The following TMPRSS11F variants were observed in gnomAD, a reference collection of about 807,000 sequenced individuals.
TMPRSS11F encodes the protein transmembrane serine protease 11F, also known as transmembrane protease serine 11F.
In TMPRSS11F, 47 loss-of-function variants were observed where a neutral mutation model predicts 60.2. That is an observed-to-expected ratio of 0.78 (90% confidence interval 0.62 to 1.00). The LOEUF (loss-of-function observed/expected upper bound fraction) is 1.00. Ranked by LOEUF, TMPRSS11F falls within the 50% of genes least tolerant of loss-of-function variation. TMPRSS11F has a pLI of 0.00. For synonymous variants in TMPRSS11F, 166 were observed against 167.3 expected, an observed-to-expected ratio of 0.99 and a Z score of 0.06; for missense variants, 519 against 522.9, an observed-to-expected ratio of 0.99 and a Z score of 0.07.
Position 68,065,657 on chromosome 4 carries a change from T to C in TMPRSS11F, c.756-713A>G, listed in dbSNP as rs112918425. The stretch of plus-strand genomic sequence containing the variant: ...CATGGTCCTCCAAAGCCTGGTTCTT[T>C]CTTTTTAAAGTTATCCTCATCCTGG... On this transcript the variant is annotated intron_variant, in intron 7 of 9. Coordinates refer to ENST00000356291, the MANE Select transcript of TMPRSS11F (RefSeq NM_207407.2). 5.1e-3 allele frequency among the ~76,000 whole-genome samples: 770 copies of C among 152,336 alleles called. 9 individuals carry two copies. Among genetic ancestry groups the C allele is most frequent in the African/African-American group, 0.018 (750 of 41,570 alleles).
intron 3 of TMPRSS11F, 64 bp from the exon 4 acceptor site, chr4:68,074,073 TA>T (rs1723536481): frequency 9.7e-7 from 1 of 1,031,786 alleles, no homozygotes; most frequent in Non-Finnish European, 1.4e-6. Flanking sequence ...AATAATTTTT[TA>T]AAAGAAGTAT....
At chr4:68,059,012 C>T (rs1366306139) in intron 9 of TMPRSS11F, among the ~76,000 whole-genome samples, 2 of 152,104 alleles carry the variant, frequency 1.3e-5, no homozygotes, top group African/African-American at 4.8e-5. Context: ...AAACTTGTTT[C>T]AGCTGTCGCT....
chr4:68,122,698 T>C (rs1724644422), intron 1 of TMPRSS11F, among the ~76,000 whole-genome samples: 1 of 152,216 alleles, frequency 6.6e-6, no homozygotes, highest in Admixed American at 6.5e-5. Context: ...TCCTAATACA[T>C]GCCTGTTGAA....
chr4:68,106,494 A>G (rs1403770916), intron 1 of TMPRSS11F, among the ~76,000 whole-genome samples: 1 of 152,216 alleles, frequency 6.6e-6, no homozygotes, highest in Non-Finnish European at 1.5e-5. Flanking sequence ...ATTGCAAAAA[A>G]TGTCCTTGGA....
intron 1 of TMPRSS11F, among the ~76,000 whole-genome samples, chr4:68,118,336 T>A (rs1724565240): frequency 6.6e-6 from 1 of 152,174 alleles, no homozygotes; most frequent in African/African-American, 2.4e-5. Flanking sequence ...TATGGAAGGC[T>A]TTTTATGTGA....
intron 8 of TMPRSS11F, chr4:68,062,594 T>G: frequency 4.7e-6 from 4 of 859,986 alleles, no homozygotes; most frequent in Non-Finnish European, 8.0e-6. Flanking sequence ...TCCTTTTGAC[T>G]CTTTCATTTC....
intron 3 of TMPRSS11F, among the ~76,000 whole-genome samples, chr4:68,075,005 T>A (rs1723554888): frequency 1.3e-5 from 2 of 152,246 alleles, no homozygotes; most frequent in African/African-American, 4.8e-5. Flanking sequence ...AAAATTTTTT[T>A]AAAAAGCACT....
chr4:68,101,022 A>G (rs1031205908), intron 1 of TMPRSS11F, among the ~76,000 whole-genome samples: 1 of 152,122 alleles, frequency 6.6e-6, no homozygotes, highest in Non-Finnish European at 1.5e-5. Context: ...TTTCATTACT[A>G]TACTCTGATC....
chr4:68,059,908 A>G (rs984783055), intron 8 of TMPRSS11F, among the ~76,000 whole-genome samples: 2 of 152,014 alleles, frequency 1.3e-5, no homozygotes, highest in African/African-American at 4.8e-5. Context: ...ACCCTACTCT[A>G]CTCTGTCATG....
intron 1 of TMPRSS11F, among the ~76,000 whole-genome samples, chr4:68,102,795 G>C (rs942803636): frequency 6.6e-6 from 1 of 151,854 alleles, no homozygotes; most frequent in Admixed American, 6.6e-5. Flanking sequence ...TGTTTCTTTT[G>C]CTGTGTAGAA....
At chr4:68,072,031 T>C (rs1162803398) in intron 5 of TMPRSS11F, among the ~76,000 whole-genome samples, 1 of 151,656 alleles carries the variant, frequency 6.6e-6, no homozygotes, top group Non-Finnish European at 1.5e-5. Context: ...ATGGCGAAAG[T>C]AATACTTACC....
In TMPRSS11F at chr4:68,069,972, T is replaced by A; in HGVS notation, c.550A>T (p.Ser184Cys). The change falls in exon 6 of 10, where the codon AGT becomes TGT. Residue 184 changes from serine to cysteine, a missense_variant. Transcript: ENST00000356291. The stretch of plus-strand genomic sequence containing the variant: ...AATTGTGGGTTTTGGAACTTACGAC[T>A]GTTGAGAAGATTCCTCATCTTTTTG... ...DSKKMRNLLN[S>C]RCGIRMTSSN... 2 of 1,603,928 alleles carry A rather than the reference T, an allele frequency of 1.2e-6. No homozygotes were observed. Among genetic ancestry groups the A allele is most frequent in the South Asian group, 2.2e-5 (2 of 89,504 alleles).
rs142079111 is a variant in TMPRSS11F at position 68,106,895 on chromosome 4, C to T, written c.12-7857G>A. Among the ~76,000 whole-genome samples the T allele has an allele frequency of 2.1e-3, 327 of 152,254 alleles. 1 individual carries two copies. The highest frequency in any genetic ancestry group is 7.6e-3 in the African/African-American group (315 of 41,558). ...TCTTTGAAAACATTTTTTAGACCTTCGAGTTCTAGATTCAGTACAAGATCT... is the reference window on the plus strand; with the variant it reads ...TCTTTGAAAACATTTTTTAGACCTTTGAGTTCTAGATTCAGTACAAGATCT... On this transcript the variant is annotated intron_variant, in intron 1 of 9. Transcript: ENST00000356291.
intron 1 of TMPRSS11F, among the ~76,000 whole-genome samples, chr4:68,116,271 G>A (rs1218509054): frequency 6.6e-6 from 1 of 152,064 alleles, no homozygotes; most frequent in African/African-American, 2.4e-5. Flanking sequence ...TCATACATTG[G>A]TGTTGGGAAT....
chr4:68,079,330 G>A (rs1041674395), intron 3 of TMPRSS11F, among the ~76,000 whole-genome samples: 1 of 152,222 alleles, frequency 6.6e-6, no homozygotes, highest in Middle Eastern at 3.4e-3. Flanking sequence ...AGCGCATTAA[G>A]TGACTTTGAC....
chr4:68,115,356 C>CAAAAAAAAA lies in TMPRSS11F; in HGVS notation c.11+14445_11+14453dup, dbSNP rs57550471. Among the ~76,000 whole-genome samples, 9 of 74,686 alleles carry CAAAAAAAAA rather than the reference C, an allele frequency of 1.2e-4. 1 individual carries two copies. Among genetic ancestry groups the CAAAAAAAAA allele is most frequent in the African/African-American group, 1.6e-4 (3 of 18,980 alleles). 49.0% of individuals were successfully genotyped at this position (74,686 alleles called of 152,430 possible). A position where few individuals can be genotyped will look rare whatever the true frequency, so the allele number is the denominator to read the frequency against. The stretch of plus-strand genomic sequence containing the variant: ...TGGGCAACAGAGCAAGACACCATCT[C>CAAAAAAAAA]AAAAAAAAAAAAAAAAAAAAAAAAA... On this transcript the variant is annotated intron_variant, in intron 1 of 9. Transcript: ENST00000356291.
At chr4:68,089,168 G>A (rs1054188019) in intron 3 of TMPRSS11F, among the ~76,000 whole-genome samples, 2 of 152,072 alleles carry the variant, frequency 1.3e-5, no homozygotes, top group African/African-American at 4.8e-5. Flanking sequence ...AATGATTTTC[G>A]ATTTAAAGTT....
chr4:68,087,270 A>G (rs1158659449), intron 3 of TMPRSS11F, among the ~76,000 whole-genome samples: 1 of 152,192 alleles, frequency 6.6e-6, no homozygotes, highest in African/African-American at 2.4e-5. Flanking sequence ...CAGAATGATC[A>G]TCCCAATAGA....
chr4:68,092,618 A>G (rs1723966965), intron 2 of TMPRSS11F, among the ~76,000 whole-genome samples: 1 of 152,112 alleles, frequency 6.6e-6, no homozygotes, highest in African/African-American at 2.4e-5. Flanking sequence ...CAAACACTAA[A>G]CTGTCTAATC....
Sources: allele counts gnomAD v4.1 joint callset (sites outside exome capture counted in the v4.1 genomes callset), GRCh38; gene constraint gnomAD v4.1.1; transcripts MANE v1.5; gene names NCBI Gene and HGNC (gene_info 2026-07-23, HGNC 2026-07-21).